Variants in SAMD12 observed in about 807,000 individuals in gnomAD.
SAMD12 encodes the protein sterile alpha motif domain-containing protein 12.
In SAMD12, 9 loss-of-function variants were observed where a neutral mutation model predicts 15.0. The observed-to-expected ratio is 0.60, with a 90% CI of 0.36 to 1.05. SAMD12 has a LOEUF of 1.05. SAMD12 is among the 50% of genes least tolerant of loss of function. The pLI, the probability that SAMD12 is intolerant of heterozygous loss-of-function variation, is 0.01. For missense variants in SAMD12, 230 were observed against 234.2 expected (o/e 0.98, Z 0.12); for synonymous variants, 86 against 90.1 (o/e 0.96, Z 0.25).
chr8:118,386,361 G>A (rs546368597), intron 3 of SAMD12, among the ~76,000 whole-genome samples: 2 of 152,208 alleles, frequency 1.3e-5, no homozygotes, highest in East Asian at 1.9e-4. Flanking sequence ...CTCCTCTTGC[G>A]CGTGTATAAT....
intron 2 of SAMD12, among the ~76,000 whole-genome samples, chr8:118,564,593 A>G (rs1308107853): frequency 6.6e-6 from 1 of 152,224 alleles, no homozygotes; most frequent in Admixed American, 6.5e-5. Flanking sequence ...GGAGAGTAAC[A>G]GTTAAGCATA....
At chr8:118,441,869 C>A (rs559166306) in intron 2 of SAMD12, among the ~76,000 whole-genome samples, 26 of 152,256 alleles carry the variant, frequency 1.7e-4, no homozygotes, top group African/African-American at 5.8e-4. Flanking sequence ...GGAAACCAAC[C>A]ACCATGTTGT....
chr8:118,338,400 C>A (rs1586558266), intron 4 of SAMD12, among the ~76,000 whole-genome samples: 2 of 152,158 alleles, frequency 1.3e-5, no homozygotes, highest in Admixed American at 1.3e-4. Flanking sequence ...TATTTGATAT[C>A]AATTCTTATT....
intron 4 of SAMD12, among the ~76,000 whole-genome samples, chr8:118,370,815 G>A (rs1052565355): frequency 6.6e-6 from 1 of 152,164 alleles, no homozygotes; most frequent in South Asian, 2.1e-4. Context: ...AGAGCATCAG[G>A]AAAAATAGCT....
chr8:118,351,224 A>T lies in SAMD12; in HGVS notation c.433+28336T>A, dbSNP rs557256519. ...CAACTACACATTAATTATGATTGAC[A>T]CCTCGTAAAATGGTCTGATCCTCTC... On this transcript the variant is annotated intron_variant, in intron 4 of 4. Transcript: ENST00000409003. Among the ~76,000 whole-genome samples the T allele has an allele frequency of 4.6e-5, 7 of 152,296 alleles. No homozygotes were observed. The South Asian group carries it at 1.4e-3, about 32-fold the overall frequency.
intron 2 of SAMD12, among the ~76,000 whole-genome samples, chr8:118,542,029 G>A (rs558040996): frequency 4.6e-5 from 7 of 152,234 alleles, no homozygotes; most frequent in African/African-American, 1.7e-4. Context: ...TATCTTAGTG[G>A]GGATAAACCA....
chr8:118,512,122 A>G (rs1048943053), intron 2 of SAMD12, among the ~76,000 whole-genome samples: 10 of 152,266 alleles, frequency 6.6e-5, no homozygotes, highest in African/African-American at 1.9e-4. Flanking sequence ...TGGAGCACCT[A>G]TCTAATACTC....
chr8:118,513,255 A>C (rs1237693628), intron 2 of SAMD12, among the ~76,000 whole-genome samples: 1 of 152,234 alleles, frequency 6.6e-6, no homozygotes, highest in African/African-American at 2.4e-5. Flanking sequence ...GAGATTTGAG[A>C]AATTTTAGAA....
chr8:118,570,616 G>T (rs148293631), intron 2 of SAMD12, among the ~76,000 whole-genome samples: 52 of 152,248 alleles, frequency 3.4e-4, no homozygotes, highest in African/African-American at 1.1e-3. Context: ...CCATTGATGG[G>T]AATTTAGTTT....
At chr8:118,355,177 G>A (rs531921883) in intron 4 of SAMD12, among the ~76,000 whole-genome samples, 76 of 152,318 alleles carry the variant, frequency 5.0e-4, no homozygotes, top group African/African-American at 1.7e-3. Context: ...AGAAACTGTG[G>A]TGTATACACA....
At chr8:118,201,433 C>T (rs1020225771) in intron 4 of SAMD12, among the ~76,000 whole-genome samples, 3 of 152,074 alleles carry the variant, frequency 2.0e-5, no homozygotes, top group African/African-American at 4.8e-5. Flanking sequence ...CTCCTGTGTG[C>T]GAGTGTGGCA....
chr8:118,582,140 G>A (rs1586834946), intron 1 of SAMD12, among the ~76,000 whole-genome samples: 1 of 152,080 alleles, frequency 6.6e-6, no homozygotes, highest in Admixed American at 6.6e-5. Flanking sequence ...GAAGTGAGGT[G>A]TTTTCCTCCC....
chr8:118,279,158 A>G (rs927172856), intron 4 of SAMD12, among the ~76,000 whole-genome samples: 5 of 152,190 alleles, frequency 3.3e-5, no homozygotes, highest in Non-Finnish European at 5.9e-5. Context: ...CCTCCGATGC[A>G]AAAACGAAGA....
rs545799906 is a variant in SAMD12 at position 118,307,363 on chromosome 8, G to A, written c.433+72197C>T. On this transcript the variant is annotated intron_variant, in intron 4 of 4. Coordinates refer to the SAMD12 transcript ENST00000409003. ...TTCCACTCATGATTTAGTTGGATGC[G>A]GTGGGGGCCATAAGCTATCTGTTCA... Among the ~76,000 whole-genome samples, 122 of 152,266 alleles carry A rather than the reference G, an allele frequency of 8.0e-4. No individual in the cohort carries two copies. In the South Asian group the frequency reaches 0.025, roughly 31 times the overall value.
chr8:118,362,061 G>A (rs755156268), intron 4 of SAMD12, among the ~76,000 whole-genome samples: 11 of 152,062 alleles, frequency 7.2e-5, no homozygotes, highest in East Asian at 1.9e-4. Flanking sequence ...CATGGGCTGC[G>A]GAAGGTCTTC....
intron 2 of SAMD12, among the ~76,000 whole-genome samples, chr8:118,574,542 T>C (rs2131243658): frequency 6.6e-6 from 1 of 152,354 alleles, no homozygotes; most frequent in Non-Finnish European, 1.5e-5. Flanking sequence ...CTCTAGGTTT[T>C]CTTTTTTCTT....
At chr8:118,231,759 A>G (rs1008884325) in intron 4 of SAMD12, among the ~76,000 whole-genome samples, 1 of 152,320 alleles carries the variant, frequency 6.6e-6, no homozygotes, top group East Asian at 1.9e-4. Flanking sequence ...CTCCTTCTGC[A>G]TACCTGTTAC....
At chr8:118,524,373 C>T (rs1825476659) in intron 2 of SAMD12, among the ~76,000 whole-genome samples, 1 of 152,106 alleles carries the variant, frequency 6.6e-6, no homozygotes, top group South Asian at 2.1e-4. Context: ...GGACATGACT[C>T]ACCTCCCTTC....
intron 2 of SAMD12, among the ~76,000 whole-genome samples, chr8:118,506,381 GA>G (rs1375467448): frequency 6.6e-6 from 1 of 152,110 alleles, no homozygotes; most frequent in African/African-American, 2.4e-5. Flanking sequence ...AACATCTCAT[GA>G]ATTCTAATTT....
Sources: gnomAD v4.1 joint callset for allele counts (sites outside exome capture counted in the v4.1 genomes callset) on GRCh38, gnomAD v4.1.1 for gene constraint, MANE v1.5 for transcripts, NCBI Gene and HGNC (gene_info 2026-07-23, HGNC 2026-07-21) for gene names.